Variants in ATF7 observed in about 807,000 individuals in gnomAD.
The protein encoded by ATF7 is activating transcription factor 7.
A neutral mutation model predicts 50.4 loss-of-function variants in ATF7; 10 were observed. The ratio of observed to expected loss-of-function variants is 0.20; its 90% CI spans 0.12 to 0.34. The LOEUF is 0.34. Ranked by LOEUF, ATF7 falls within the 10% of genes least tolerant of loss-of-function variation. The pLI, the probability that ATF7 is intolerant of heterozygous loss-of-function variation, is 1.00. For missense variants in ATF7, 465 were observed against 613.9 expected, an observed-to-expected ratio of 0.76 and a Z score of 2.56; for synonymous variants, 201 against 226.4, an observed-to-expected ratio of 0.89 and a Z score of 1.01.
intron 1 of ATF7, among the ~76,000 whole-genome samples, chr12:53,613,318 T>A (rs1943978917): frequency 6.6e-6 from 1 of 152,202 alleles, no homozygotes; most frequent in African/African-American, 2.4e-5. Context: ...TTTTTTCTGG[T>A]TAGCCAGACA....
intron 2 of ATF7, among the ~76,000 whole-genome samples, chr12:53,573,225 T>C (rs1344652738): frequency 6.6e-6 from 1 of 152,216 alleles, no homozygotes; most frequent in East Asian, 1.9e-4. Context: ...GCTGAATTTA[T>C]AAATTAAACT....
At chr12:53,511,748 C>T (rs1053665927), downstream of ATF7, among the ~76,000 whole-genome samples, 1 of 152,204 alleles carries the variant, frequency 6.6e-6, no homozygotes, top group Non-Finnish European at 1.5e-5. Context: ...TCCCACCCGC[C>T]ATCCACATAA....
At chr12:53,539,125 A>T (rs1939386595) in intron 4 of ATF7, among the ~76,000 whole-genome samples, 1 of 152,214 alleles carries the variant, frequency 6.6e-6, no homozygotes, top group African/African-American at 2.4e-5. Context: ...CCACTCCTGT[A>T]CAGGCAGGAG....
At position 53,513,809 on chromosome 12, in the gene ATF7, T is replaced by C. The variant is rs1250845913; in HGVS notation, c.*3328A>G. ...TTGGTGTCTGTTTGGTGGTTCAGGC[T>C]GTACATAGGGCACGGTTGGGGTTAA... is the stretch of plus-strand genomic sequence containing the variant. On this transcript the variant is annotated 3_prime_UTR_variant, in exon 12 of 12. Transcript: ENST00000420353. The C allele has an allele frequency of 6.6e-6, 1 of 152,140 alleles. No individual in the cohort carries two copies. Among genetic ancestry groups the C allele is most frequent in the Non-Finnish European group, 1.5e-5 (1 of 68,036 alleles). 9.4% of individuals were successfully genotyped at this position (152,140 alleles called of 1,614,324 possible).
intron 2 of ATF7, among the ~76,000 whole-genome samples, chr12:53,563,751 T>G (rs1030013209): frequency 1.7e-4 from 26 of 152,270 alleles, no homozygotes; most frequent in African/African-American, 6.0e-4. Context: ...TGGGTAAAGT[T>G]TTATATAGTG....
At chr12:53,538,785 T>C (rs1939369348) in intron 4 of ATF7, among the ~76,000 whole-genome samples, 1 of 152,124 alleles carries the variant, frequency 6.6e-6, no homozygotes, top group Admixed American at 6.5e-5. Flanking sequence ...GCTGAGTAAA[T>C]TAAAGATAAT....
At chr12:53,570,890 A>T (rs1941717559) in intron 2 of ATF7, among the ~76,000 whole-genome samples, 2 of 152,100 alleles carry the variant, frequency 1.3e-5, no homozygotes, top group African/African-American at 4.8e-5. Flanking sequence ...GTTTCCAAAT[A>T]AGGTCACATT....
At chr12:53,598,684 A>G (rs868828141) in intron 2 of ATF7, among the ~76,000 whole-genome samples, 2 of 152,102 alleles carry the variant, frequency 1.3e-5, no homozygotes, top group African/African-American at 4.8e-5. Flanking sequence ...AGTGGATACT[A>G]CTCTTTTCTG....
intron 2 of ATF7, among the ~76,000 whole-genome samples, chr12:53,564,195 C>T (rs1387432508): frequency 1.3e-5 from 2 of 152,118 alleles, no homozygotes; most frequent in Non-Finnish European, 2.9e-5. Context: ...GCCAACATGG[C>T]AAAACCCTGT....
At chr12:53,563,950 G>T (rs1336386432) in intron 2 of ATF7, among the ~76,000 whole-genome samples, 1 of 152,036 alleles carries the variant, frequency 6.6e-6, no homozygotes, top group Non-Finnish European at 1.5e-5. Context: ...TTACAGAAAG[G>T]CACCTAAGAC....
chr12:53,543,576 T>C, intron 3 of ATF7, 128 bp from the exon 4 acceptor site: 2 of 1,076,640 alleles, frequency 1.9e-6, no homozygotes. Flanking sequence ...TTAGGGCAAA[T>C]TTGCTTTAAT....
chr12:53,555,784 A>G (rs894990080), intron 2 of ATF7, among the ~76,000 whole-genome samples: 2 of 151,772 alleles, frequency 1.3e-5, no homozygotes, highest in African/African-American at 4.8e-5. Context: ...TGCTAGAATT[A>G]TAGGTGTGAG....
intron 2 of ATF7, among the ~76,000 whole-genome samples, chr12:53,557,792 T>C (rs2137541286): frequency 6.6e-6 from 1 of 152,352 alleles, no homozygotes; most frequent in East Asian, 1.9e-4. Context: ...GTACTTGCAA[T>C]GTGGCTAGTC....
chr12:53,616,020 G>A (rs189112416), intron 1 of ATF7, among the ~76,000 whole-genome samples: 6 of 152,048 alleles, frequency 3.9e-5, no homozygotes, highest in African/African-American at 1.2e-4. Flanking sequence ...AAAATTGACC[G>A]GTTTAGCACA....
chr12:53,566,367 T>C (rs1457370600), intron 2 of ATF7, among the ~76,000 whole-genome samples: 2 of 152,178 alleles, frequency 1.3e-5, no homozygotes, highest in Non-Finnish European at 2.9e-5. Context: ...TTTTCAACCA[T>C]TTTCTCTTGC....
At chr12:53,616,813 C>T (rs1013509386) in intron 1 of ATF7, among the ~76,000 whole-genome samples, 1 of 151,382 alleles carries the variant, frequency 6.6e-6, no homozygotes, top group African/African-American at 2.4e-5. Flanking sequence ...GGTGTAGCAG[C>T]GTGTGCCTGT....
At chr12:53,511,883 A>G (rs1944137524), downstream of ATF7, among the ~76,000 whole-genome samples, 1 of 152,058 alleles carries the variant, frequency 6.6e-6, no homozygotes, top group Admixed American at 6.6e-5. Flanking sequence ...GAAATCATCC[A>G]CTTTCTCTAG....
chr12:53,604,197 A>T (rs2137839055), intron 1 of ATF7, among the ~76,000 whole-genome samples: 1 of 152,366 alleles, frequency 6.6e-6, no homozygotes, highest in South Asian at 2.1e-4. Flanking sequence ...GAAGACAAAG[A>T]TGCATAAAAA....
At chr12:53,611,369 C>T (rs1203248019) in intron 1 of ATF7, among the ~76,000 whole-genome samples, 1 of 152,080 alleles carries the variant, frequency 6.6e-6, no homozygotes. Context: ...AGGAGAATCG[C>T]TCAAACCAGG....
Sources: gnomAD v4.1 joint callset for allele counts (sites outside exome capture counted in the v4.1 genomes callset) on GRCh38, gnomAD v4.1.1 for gene constraint, MANE v1.5 for transcripts, NCBI Gene and HGNC (gene_info 2026-07-23, HGNC 2026-07-21) for gene names.